Variants in USO1 observed in about 807,000 individuals in gnomAD.
The protein encoded by USO1 is general vesicular transport factor p115.
In USO1, 57 loss-of-function variants were observed where a neutral mutation model predicts 124.5. The observed-to-expected ratio is 0.46, with a 90% CI of 0.37 to 0.57. The LOEUF is 0.57. USO1 is among the 20% of genes least tolerant of loss of function. The pLI is 0.00. For synonymous variants in USO1, 369 were observed against 362.8 expected, an observed-to-expected ratio of 1.02 and a Z score of -0.19; for missense variants, 900 against 1,040.6, an observed-to-expected ratio of 0.86 and a Z score of 1.86.
intron 17 of USO1, among the ~76,000 whole-genome samples, chr4:75,801,496 C>T (rs1722851023): frequency 2.0e-5 from 3 of 152,060 alleles, no homozygotes; most frequent in Non-Finnish European, 2.9e-5. Context: ...TGTTGAGTAC[C>T]CTAAACCTTC....
chr4:75,733,700 A>C (rs1205568275), intron 1 of USO1, among the ~76,000 whole-genome samples: 1 of 152,070 alleles, frequency 6.6e-6, no homozygotes, highest in African/African-American at 2.4e-5. Flanking sequence ...TAAGTTCCTT[A>C]CAGATTCTGA....
intron 9 of USO1, among the ~76,000 whole-genome samples, chr4:75,783,920 A>C (rs772937920): frequency 6.6e-6 from 1 of 152,226 alleles, no homozygotes; most frequent in Non-Finnish European, 1.5e-5. Context: ...TCTGTTTTCA[A>C]ATGTTGGTAT....
intron 10 of USO1, among the ~76,000 whole-genome samples, chr4:75,789,047 ATCC>A (rs982331049): frequency 1.3e-5 from 2 of 151,670 alleles, no homozygotes; most frequent in African/African-American, 4.8e-5. Flanking sequence ...AGCCATTATA[ATCC>A]TCCTTTTTTT....
chr4:75,805,903 A>G (rs1722984031), intron 19 of USO1, among the ~76,000 whole-genome samples: 1 of 152,176 alleles, frequency 6.6e-6, no homozygotes, highest in Admixed American at 6.6e-5. Context: ...GATGGAAATT[A>G]TTTAATAAAT....
intron 13 of USO1, among the ~76,000 whole-genome samples, chr4:75,798,840 A>T (rs1210121882): frequency 1.3e-5 from 2 of 149,148 alleles, no homozygotes; most frequent in East Asian, 2.0e-4. Flanking sequence ...TTGTTTTTTT[A>T]AAAAAAGATA....
At chr4:75,753,780 ATTTTTTTTTT>A (rs1180101340) in intron 3 of USO1, among the ~76,000 whole-genome samples, 1 of 125,712 alleles carries the variant, frequency 8.0e-6, no homozygotes, top group Admixed American at 8.5e-5. Flanking sequence ...AGCTCTTTCA[ATTTTTTTTTT>A]TTTTTTTTTT....
rs780846852 is a variant in USO1 at position 75,724,848 on chromosome 4, G to T, written c.29G>T (p.Gly10Val). 5.6e-6 allele frequency: 9 copies of T among 1,613,706 alleles called. No individual in the cohort carries two copies. The highest frequency in any genetic ancestry group is 3.3e-5 in the Admixed American group (2 of 59,980). ...AATTTCCTCCGCGGGGTAATGGGGG[G>T]TCAGAGTGCCGGACCCCAGCACACA... Reference protein sequence around the residue: MNFLRGVMGGQSAGPQHTEA... With the variant: MNFLRGVMGVQSAGPQHTEA... The change falls in exon 1 of 24, where the codon GGT becomes GTT. Residue 10 changes from glycine (G) to valine (V), a missense_variant. Physicochemically the swap from Gly to Val is moderately radical, Grantham distance 109 (BLOSUM62 -3). Coordinates refer to ENST00000514213, the MANE Select transcript of USO1 (RefSeq NM_003715.4).
intron 4 of USO1, among the ~76,000 whole-genome samples, chr4:75,767,319 TTTAC>T (rs1181820475): frequency 6.6e-6 from 1 of 152,254 alleles, no homozygotes; most frequent in Non-Finnish European, 1.5e-5. Flanking sequence ...ACTCAATATC[TTTAC>T]TTAGATACCC....
chr4:75,760,522 ATAC>A, intron 4 of USO1: 1 of 393,936 alleles, frequency 2.5e-6, no homozygotes, highest in Non-Finnish European at 4.5e-6. Context: ...TTTTACGTGT[ATAC>A]TACTACATTA....
At chr4:75,805,095 C>A in intron 18 of USO1, 45 bp from the exon 19 acceptor site, 2 of 1,503,876 alleles carry the variant, frequency 1.3e-6, no homozygotes, top group Non-Finnish European at 1.8e-6. Context: ...AAATGAAAAA[C>A]TGAAGTTTCC....
At chr4:75,726,418 T>G (rs1720462447) in intron 1 of USO1, among the ~76,000 whole-genome samples, 1 of 152,160 alleles carries the variant, frequency 6.6e-6, no homozygotes, top group African/African-American at 2.4e-5. Flanking sequence ...CAATACTTTT[T>G]GGGAACTTTA....
chr4:75,750,790 T>C (rs1479809378), intron 1 of USO1, among the ~76,000 whole-genome samples: 1 of 152,208 alleles, frequency 6.6e-6, no homozygotes, highest in Non-Finnish European at 1.5e-5. Flanking sequence ...TTCTACATTT[T>C]TCTTTTATGA....
chr4:75,767,224 A>G (rs897021088), intron 4 of USO1, among the ~76,000 whole-genome samples: 1 of 152,096 alleles, frequency 6.6e-6, no homozygotes, highest in Non-Finnish European at 1.5e-5. Context: ...GTAACTTCAA[A>G]TATAATTTAT....
intron 22 of USO1, 32 bp downstream of exon 22, chr4:75,810,571 A>T (rs753558260): frequency 6.4e-7 from 1 of 1,569,998 alleles, no homozygotes; most frequent in South Asian, 1.2e-5. Context: ...TATTTACTGC[A>T]TATGATATGA....
At chr4:75,811,400 C>T (rs980945363) in intron 22 of USO1, among the ~76,000 whole-genome samples, 3 of 152,194 alleles carry the variant, frequency 2.0e-5, no homozygotes, top group Non-Finnish European at 2.9e-5. Context: ...AGGTGATCTG[C>T]CCGCATTGGC....
chr4:75,754,161 C>T (rs1721369929), intron 3 of USO1, among the ~76,000 whole-genome samples: 1 of 151,412 alleles, frequency 6.6e-6, no homozygotes, highest in Non-Finnish European at 1.5e-5. Context: ...AGGCTCACTG[C>T]AGCCTCTGCC....
At chr4:75,730,061 G>T (rs1220831058) in intron 1 of USO1, 2 of 251,996 alleles carry the variant, frequency 7.9e-6, no homozygotes, top group South Asian at 7.5e-5. Flanking sequence ...TTTCTCTCTT[G>T]GCCTGTTTTG....
intron 1 of USO1, among the ~76,000 whole-genome samples, chr4:75,748,123 C>G (rs28541901): frequency 0.2 from 30,548 of 151,010 alleles, 3,339 homozygotes; most frequent in African/African-American, 0.26. Flanking sequence ...AGGCTGGTCT[C>G]GAACTCCTGA....
Position 75,804,075 on chromosome 4 carries a change from A to G in USO1, c.1987-59A>G, listed in dbSNP as rs201922310. On this transcript the variant is annotated intron_variant, in intron 17 of 23. Coordinates refer to ENST00000514213, the MANE Select transcript of USO1 (RefSeq NM_003715.4). ...GACCTCTAATTTTTAAAATGTGTTC[A>G]CCTTCTTAATGCTAACGAGTATGAC... 91 of 1,554,502 alleles carry G rather than the reference A, an allele frequency of 5.9e-5. No homozygotes were observed. In the East Asian group the frequency reaches 1.4e-3, roughly 24 times the overall value.
Sources: gnomAD v4.1 joint callset for allele counts (sites outside exome capture counted in the v4.1 genomes callset) on GRCh38, gnomAD v4.1.1 for gene constraint, MANE v1.5 for transcripts, NCBI Gene and HGNC (gene_info 2026-07-23, HGNC 2026-07-21) for gene names.